DNAJC3: variants seen among roughly 807,000 people sequenced by gnomAD.
DNAJC3 encodes the protein DnaJ heat shock protein family (Hsp40) member C3, also known as dnaJ homolog subfamily C member 3.
Under a neutral mutation model 68.6 loss-of-function variants are expected in DNAJC3, and 38 were observed. The ratio of observed to expected loss-of-function variants is 0.55; its 90% CI spans 0.43 to 0.73. The LOEUF is 0.73. DNAJC3 is among the 30% of genes least tolerant of loss of function. The pLI is 0.00. For missense variants in DNAJC3, 526 were observed against 591.9 expected, an observed-to-expected ratio of 0.89 and a Z score of 1.16; for synonymous variants, 203 against 204.0, an observed-to-expected ratio of 1.00 and a Z score of 0.04.
chr13:95,770,919 GTC>G (rs1466011037), intron 9 of DNAJC3, among the ~76,000 whole-genome samples: 3 of 152,120 alleles, frequency 2.0e-5, no homozygotes, highest in Non-Finnish European at 4.4e-5. Context: ...TATTATGACA[GTC>G]TCACAGCAGG....
Position 95,736,542 on chromosome 13 carries a change from C to T in DNAJC3, c.393+11290C>T, listed in dbSNP as rs1447921019. Among the ~76,000 whole-genome samples the T allele has an allele frequency of 2.0e-5, 3 of 148,438 alleles. No individual in the cohort carries two copies. In the East Asian group the frequency reaches 6.0e-4, roughly 30 times the overall value. On this transcript the variant is annotated intron_variant, in intron 4 of 11. Transcript: ENST00000602402. The stretch of plus-strand genomic sequence containing the variant: ...CTCCTTGAAGAGGTCCTTCACATCC[C>T]TTGTAAGTTGGATTCCTAGGTATTT...
At chr13:95,697,896 C>G (rs1437086877) in intron 1 of DNAJC3, among the ~76,000 whole-genome samples, 2 of 149,126 alleles carry the variant, frequency 1.3e-5, no homozygotes, top group African/African-American at 5.0e-5. Context: ...TCTCATTGAG[C>G]TTCTTTACAA....
intron 4 of DNAJC3, among the ~76,000 whole-genome samples, chr13:95,729,240 CT>C (rs1360790172): frequency 1.7e-5 from 2 of 117,306 alleles, no homozygotes; most frequent in Non-Finnish European, 3.6e-5. Context: ...CCCTCTCCCC[CT>C]CCCACTCCCT....
intron 4 of DNAJC3, among the ~76,000 whole-genome samples, chr13:95,728,954 C>T (rs1364223287): frequency 6.6e-6 from 1 of 152,124 alleles, no homozygotes; most frequent in East Asian, 1.9e-4. Context: ...CCCACTGACA[C>T]ACCCTTTCCA....
intron 1 of DNAJC3, among the ~76,000 whole-genome samples, chr13:95,691,463 C>G (rs1422484901): frequency 4.0e-5 from 6 of 151,752 alleles, no homozygotes; most frequent in Admixed American, 6.6e-5. Flanking sequence ...GATGGGCGGC[C>G]GGGCAGAGAT....
chr13:95,747,158 T>C (rs1882329419), intron 4 of DNAJC3, among the ~76,000 whole-genome samples: 1 of 152,230 alleles, frequency 6.6e-6, no homozygotes, highest in African/African-American at 2.4e-5. Flanking sequence ...GTGCATACAA[T>C]CATTTGTTAG....
intron 4 of DNAJC3, among the ~76,000 whole-genome samples, chr13:95,731,901 ATTTT>A (rs777968421): frequency 8.1e-6 from 1 of 123,944 alleles, no homozygotes; most frequent in Non-Finnish European, 1.7e-5. Context: ...CGCCTGGCTA[ATTTT>A]TTTTTTTTTT....
chr13:95,728,735 T>C (rs1184882736), intron 4 of DNAJC3, among the ~76,000 whole-genome samples: 1 of 152,222 alleles, frequency 6.6e-6, no homozygotes, highest in Non-Finnish European at 1.5e-5. Context: ...CCTTGTTACA[T>C]GCATAGACTG....
At chr13:95,738,881 T>G (rs1462710619) in intron 4 of DNAJC3, among the ~76,000 whole-genome samples, 3 of 152,128 alleles carry the variant, frequency 2.0e-5, no homozygotes, top group Admixed American at 6.5e-5. Flanking sequence ...GTTAGCTGGT[T>G]ATTTTGCTCG....
intron 6 of DNAJC3, 97 bp from the exon 7 acceptor site, chr13:95,760,582 G>T (rs966025968): frequency 2.5e-5 from 36 of 1,455,704 alleles, no homozygotes; most frequent in Non-Finnish European, 2.9e-5. Context: ...TTGTTTAATC[G>T]TTGCAAACAA....
chr13:95,718,009 A>G (rs1397626287), intron 2 of DNAJC3, among the ~76,000 whole-genome samples: 1 of 152,220 alleles, frequency 6.6e-6, no homozygotes, highest in South Asian at 2.1e-4. Context: ...ATTCTGGCTA[A>G]TTTTCTCATA....
chr13:95,767,434 G>GT (rs1370207201), intron 9 of DNAJC3, among the ~76,000 whole-genome samples: 1 of 152,126 alleles, frequency 6.6e-6, no homozygotes, highest in African/African-American at 2.4e-5. Context: ...ACTGATGAAC[G>GT]TTTGTGTTGT....
At chr13:95,703,292 C>T (rs374017282) in intron 1 of DNAJC3, among the ~76,000 whole-genome samples, 3 of 152,182 alleles carry the variant, frequency 2.0e-5, no homozygotes, top group East Asian at 1.9e-4. Flanking sequence ...AACTAAAACA[C>T]GATTTTTTCA....
At chr13:95,734,522 T>G (rs1367727703) in intron 4 of DNAJC3, among the ~76,000 whole-genome samples, 2 of 152,202 alleles carry the variant, frequency 1.3e-5, no homozygotes, top group Non-Finnish European at 2.9e-5. Context: ...CTGTATCTAT[T>G]TTGGGTTATC....
intron 2 of DNAJC3, among the ~76,000 whole-genome samples, chr13:95,719,959 T>C (rs993652346): frequency 1.3e-5 from 2 of 152,202 alleles, no homozygotes. Context: ...TACTGTACTT[T>C]TTAGGGAATA....
intron 2 of DNAJC3, among the ~76,000 whole-genome samples, chr13:95,713,800 C>A (rs1398012494): frequency 6.6e-6 from 1 of 152,170 alleles, no homozygotes; most frequent in Non-Finnish European, 1.5e-5. Context: ...CCCCTTCTTC[C>A]TTCTTATGAG....
intron 4 of DNAJC3, among the ~76,000 whole-genome samples, chr13:95,748,764 T>C (rs6492819): frequency 0.38 from 58,171 of 152,068 alleles, 13,998 homozygotes; most frequent in African/African-American, 0.68. Context: ...TGCAGTGAGC[T>C]GAGATTGCAC....
chr13:95,719,797 A>AT (rs1200147329), intron 2 of DNAJC3, among the ~76,000 whole-genome samples: 1 of 152,190 alleles, frequency 6.6e-6, no homozygotes, highest in Non-Finnish European at 1.5e-5. Context: ...TATGTAGACA[A>AT]TTTTTGTGTA....
At chr13:95,710,105 C>A (rs982038073) in intron 2 of DNAJC3, among the ~76,000 whole-genome samples, 1 of 152,170 alleles carries the variant, frequency 6.6e-6, no homozygotes, top group Non-Finnish European at 1.5e-5. Context: ...CTTCTTATTT[C>A]TTACTCATGT....
Sources: gnomAD v4.1 joint callset for allele counts (sites outside exome capture counted in the v4.1 genomes callset) on GRCh38, gnomAD v4.1.1 for gene constraint, MANE v1.5 for transcripts, NCBI Gene and HGNC (gene_info 2026-07-23, HGNC 2026-07-21) for gene names.